FBXO42: variants seen among roughly 807,000 people sequenced by gnomAD.
FBXO42 encodes the protein F-box only protein 42.
In FBXO42, 12 loss-of-function variants were observed where a neutral mutation model predicts 71.7. That is an observed-to-expected ratio of 0.17 (90% CI 0.11 to 0.27). The LOEUF (loss-of-function observed/expected upper bound fraction) is 0.27. Among genes scored for constraint, FBXO42 ranks in the 10% least tolerant of loss-of-function variants. FBXO42 has a pLI of 1.00. For missense variants in FBXO42, 707 were observed against 911.9 expected (o/e 0.78, Z 2.89); for synonymous variants, 325 against 327.5 (o/e 0.99, Z 0.08).
chr1:16,312,423 G>A (rs1372291322), intron 2 of FBXO42, among the ~76,000 whole-genome samples: 2 of 152,098 alleles, frequency 1.3e-5, no homozygotes, highest in Non-Finnish European at 2.9e-5. Flanking sequence ...ATCGGAAAAG[G>A]CTGTATACTG....
At chr1:16,322,220 T>G (rs2082414812) in intron 1 of FBXO42, among the ~76,000 whole-genome samples, 3 of 152,132 alleles carry the variant, frequency 2.0e-5, no homozygotes. Flanking sequence ...TATACTGGCC[T>G]GAGAGTCTGC....
rs533133464 is a variant in FBXO42 at position 16,348,421 on chromosome 1, G to A, written c.-18+3834C>T. Among the ~76,000 whole-genome samples the A allele has an allele frequency of 4.6e-5, 7 of 152,160 alleles. 1 individual carries two copies. The South Asian group carries it at 1.0e-3, about 23-fold the overall frequency. ...CTATAAAAGTTTAGTGTAATTCGTCGGGAGCGGTGGCTGAAGCCTGTAATC... is the reference window on the plus strand; with the variant it reads ...CTATAAAAGTTTAGTGTAATTCGTCAGGAGCGGTGGCTGAAGCCTGTAATC... On this transcript the variant is annotated intron_variant, in intron 1 of 9. Coordinates refer to ENST00000375592, the MANE Select transcript of FBXO42 (RefSeq NM_018994.3).
intron 3 of FBXO42, among the ~76,000 whole-genome samples, chr1:16,300,191 T>C (rs1400957624): frequency 6.6e-6 from 1 of 152,202 alleles, no homozygotes; most frequent in East Asian, 1.9e-4. Context: ...GAATGTGCTA[T>C]ACAGTTACAG....
Position 16,248,726 on chromosome 1 carries a change from G to C in FBXO42, c.*1944C>G, listed in dbSNP as rs2081559928. 6.6e-6 allele frequency: 1 copy of C among 152,200 alleles called. No homozygotes were observed. The highest frequency in any genetic ancestry group is 1.5e-5 in the Non-Finnish European group (1 of 68,044). 9.4% of individuals were successfully genotyped at this position (152,200 alleles called of 1,614,324 possible). On this transcript the variant is annotated 3_prime_UTR_variant, in exon 10 of 10. Transcript: ENST00000375592. ...AACAGTCTTTGCCAAGCAAGGATTG[G>C]CAACAGCACCAGAGCCTGAGTCGCG...
chr1:16,284,035 G>A (rs1017611974), intron 4 of FBXO42, among the ~76,000 whole-genome samples: 1 of 152,116 alleles, frequency 6.6e-6, no homozygotes, highest in African/African-American at 2.4e-5. Context: ...CAGAAACAGT[G>A]GTTTAAACAT....
chr1:16,321,839 TAA>T (rs1171004207), intron 1 of FBXO42, among the ~76,000 whole-genome samples: 1 of 152,162 alleles, frequency 6.6e-6, no homozygotes, highest in Admixed American at 6.6e-5. Flanking sequence ...AATACAGGTA[TAA>T]GTCACTGTGC....
chr1:16,318,897 T>G (rs981921702), intron 1 of FBXO42, among the ~76,000 whole-genome samples: 6 of 152,174 alleles, frequency 3.9e-5, no homozygotes, highest in African/African-American at 7.2e-5. Context: ...GCTCAACCAC[T>G]GGCAGAAGGC....
intron 4 of FBXO42, among the ~76,000 whole-genome samples, chr1:16,278,988 C>T (rs2081932919): frequency 1.3e-5 from 2 of 152,084 alleles, no homozygotes. Flanking sequence ...GTTGGTCAGG[C>T]TGGTCTCGAA....
chr1:16,290,405 C>G (rs2082065599), intron 4 of FBXO42, among the ~76,000 whole-genome samples: 1 of 151,930 alleles, frequency 6.6e-6, no homozygotes, highest in Non-Finnish European at 1.5e-5. Flanking sequence ...ATAAGAAGCA[C>G]AAGAAGCTGG....
intron 2 of FBXO42, among the ~76,000 whole-genome samples, chr1:16,308,800 G>A (rs556579619): frequency 1.5e-5 from 2 of 136,084 alleles, no homozygotes; most frequent in Non-Finnish European, 3.1e-5. Context: ...GCTGGAGTGC[G>A]TGGTGCAATG....
chr1:16,285,824 A>C (rs1477159523), intron 4 of FBXO42, among the ~76,000 whole-genome samples: 3 of 151,904 alleles, frequency 2.0e-5, no homozygotes, highest in Non-Finnish European at 2.9e-5. Flanking sequence ...TGATTTCCAA[A>C]TGCTGGAGTC....
At chr1:16,286,329 T>C (rs2082021485) in intron 4 of FBXO42, among the ~76,000 whole-genome samples, 1 of 152,138 alleles carries the variant, frequency 6.6e-6, no homozygotes, top group Non-Finnish European at 1.5e-5. Flanking sequence ...CAGTTCCGCA[T>C]TGCTGGGAGG....
At chr1:16,312,539 T>C (rs2082323022) in intron 2 of FBXO42, among the ~76,000 whole-genome samples, 1 of 151,352 alleles carries the variant, frequency 6.6e-6, no homozygotes, top group South Asian at 2.1e-4. Context: ...ACAGGGAGAG[T>C]ATACAGGATT....
At chr1:16,265,414 T>C (rs972933202) in intron 4 of FBXO42, among the ~76,000 whole-genome samples, 1 of 152,198 alleles carries the variant, frequency 6.6e-6, no homozygotes, top group Non-Finnish European at 1.5e-5. Context: ...TATATCTCCA[T>C]GCTATTATCA....
chr1:16,279,843 G>GT (rs1199990516), intron 4 of FBXO42, among the ~76,000 whole-genome samples: 205 of 68,544 alleles, frequency 3.0e-3, no homozygotes, highest in South Asian at 0.012. Flanking sequence ...GTTGACAATG[G>GT]TTTTTTTTTT....
rs949881685 is a variant in FBXO42, at chr1:16,315,385, A to G, written c.34T>C (p.Phe12Leu). The G allele has an allele frequency of 1.9e-6, 3 of 1,614,180 alleles. No individual in the cohort carries two copies. Among genetic ancestry groups the G allele is most frequent in the Non-Finnish European group, 2.5e-6 (3 of 1,180,038 alleles). Residue 12 changes from phenylalanine to leucine, a missense_variant, in exon 2 of 10, where the codon TTC becomes CTC. This residue lies in a region of FBXO42 where 188 missense variants were observed against 230.5 expected (regional missense o/e 0.82). Coordinates refer to ENST00000375592, the MANE Select transcript of FBXO42 (RefSeq NM_018994.3). ...GTTTCTTCCTGGTCCACAGCCATGA[A>G]ACTGTCATCTTCACTGTCCGAGGAG... ...ASSSDSEDDS[F>L]MAVDQEETVL...
chr1:16,275,552 G>A (rs559756170), intron 4 of FBXO42, among the ~76,000 whole-genome samples: 1 of 152,288 alleles, frequency 6.6e-6, no homozygotes, highest in East Asian at 1.9e-4. Flanking sequence ...CCAGGAATTT[G>A]AGGCTGCAGT....
At chr1:16,338,513 A>C (rs2082574167) in intron 1 of FBXO42, among the ~76,000 whole-genome samples, 1 of 152,138 alleles carries the variant, frequency 6.6e-6, no homozygotes, top group Non-Finnish European at 1.5e-5. Context: ...CACTTGAACC[A>C]AAATAGTAGA....
At chr1:16,321,252 C>T (rs2082407666) in intron 1 of FBXO42, among the ~76,000 whole-genome samples, 1 of 152,206 alleles carries the variant, frequency 6.6e-6, no homozygotes, top group Non-Finnish European at 1.5e-5. Flanking sequence ...CCAAGGAGAA[C>T]ACACATGGGT....
Sources: gnomAD v4.1 joint callset for allele counts (sites outside exome capture counted in the v4.1 genomes callset) on GRCh38, gnomAD v4.1.1 for gene constraint, gnomAD v4.1.1 regional missense constraint, MANE v1.5 for transcripts, NCBI Gene and HGNC (gene_info 2026-07-23, HGNC 2026-07-21) for gene names.